The following DLGAP2 variants were observed in gnomAD, a reference collection of about 807,000 sequenced individuals.
The protein encoded by DLGAP2 is disks large-associated protein 2.
DLGAP2 carries 26 observed loss-of-function variants against 100.3 expected under a neutral mutation model. The ratio of observed to expected loss-of-function variants is 0.26; its 90% confidence interval spans 0.19 to 0.36. The LOEUF is 0.36. DLGAP2 is among the 10% of genes least tolerant of loss of function. The pLI is 1.00. For missense variants in DLGAP2, 1,858 were observed against 1,453.2 expected (o/e 1.28, Z -4.53); for synonymous variants, 886 against 630.1 (o/e 1.41, Z -6.08).
At chr8:1,632,112 G>C (rs926599860) in intron 7 of DLGAP2, among the ~76,000 whole-genome samples, 7 of 151,912 alleles carry the variant, frequency 4.6e-5, no homozygotes, top group Non-Finnish European at 8.8e-5. Context: ...ATGGAAGGGA[G>C]GGAGGATGGG....
At position 1,477,365 on chromosome 8, in the gene DLGAP2, C is replaced by A. The variant is rs141694065; in HGVS notation, c.107-24001C>A. Among the ~76,000 whole-genome samples, 863 of 152,312 alleles carry A rather than the reference C, an allele frequency of 5.7e-3. 5 individuals carry two copies. The highest frequency in any genetic ancestry group is 0.018 in the African/African-American group (759 of 41,576). On this transcript the variant is annotated intron_variant, in intron 3 of 14. Coordinates refer to ENST00000637795, the MANE Select transcript of DLGAP2 (RefSeq NM_001346810.2). ...GCCAGCTGGACAGGCTGCCTCCCCA[C>A]CCTCCGGCTCTGTCCTTTCCTTCTG...
At position 1,179,658 on chromosome 8, in the gene DLGAP2, C is replaced by T. The variant is rs192792175; in HGVS notation, c.74-79193C>T. Among the ~76,000 whole-genome samples the T allele has an allele frequency of 6.3e-4, 96 of 152,306 alleles. 1 individual carries two copies. Among genetic ancestry groups the T allele is most frequent in the Middle Eastern group, 3.4e-3 (1 of 294 alleles). On this transcript the variant is annotated intron_variant, in intron 2 of 14. Coordinates refer to ENST00000637795, the MANE Select transcript of DLGAP2 (RefSeq NM_001346810.2). ...CTGTTTTTCTATGTGTATTGCAATC[C>T]TAATTTGTGTTTTAAACATATATTA... is the stretch of plus-strand genomic sequence containing the variant.
At chr8:1,529,937 G>C (rs1455753850) in intron 4 of DLGAP2, among the ~76,000 whole-genome samples, 1 of 152,196 alleles carries the variant, frequency 6.6e-6, no homozygotes, top group African/African-American at 2.4e-5. Flanking sequence ...GTGCGAATAG[G>C]TGTGGGTCAC....
chr8:1,356,895 G>T (rs1801866002), intron 3 of DLGAP2, among the ~76,000 whole-genome samples: 1 of 152,202 alleles, frequency 6.6e-6, no homozygotes, highest in South Asian at 2.1e-4. Context: ...TTCAGGGTGT[G>T]CCCTTGTGTC....
chr8:748,463 G>A (rs572920204), intron 1 of DLGAP2, among the ~76,000 whole-genome samples: 9 of 152,252 alleles, frequency 5.9e-5, no homozygotes, highest in South Asian at 4.1e-4. Context: ...CCATGTGGGC[G>A]TTGGTGGGTC....
chr8:1,052,718 TG>T (rs1186542266), intron 2 of DLGAP2, among the ~76,000 whole-genome samples: 6 of 152,134 alleles, frequency 3.9e-5, no homozygotes, highest in Non-Finnish European at 8.8e-5. Flanking sequence ...ATAACTCATC[TG>T]GGTAATACAG....
rs544462908 is a variant in DLGAP2, at chr8:864,976, A to T, written c.19-42936A>T. On this transcript the variant is annotated intron_variant, in intron 1 of 14. Coordinates refer to ENST00000637795, the MANE Select transcript of DLGAP2 (RefSeq NM_001346810.2). ...AGGAAAACTGGGAAGTGGATTTAGG[A>T]ATCTCAGATATAAACTTGTTGAACA... is the stretch of plus-strand genomic sequence containing the variant. 3.9e-5 allele frequency among the ~76,000 whole-genome samples: 6 copies of T among 152,358 alleles called. No homozygotes were observed. In the South Asian group the frequency reaches 1.2e-3, roughly 32 times the overall value.
At chr8:1,341,671 T>A (rs1475704721) in intron 3 of DLGAP2, among the ~76,000 whole-genome samples, 1 of 152,180 alleles carries the variant, frequency 6.6e-6, no homozygotes, top group Non-Finnish European at 1.5e-5. Context: ...GAGGGGCTCC[T>A]AGGGAAACAG....
At chr8:857,854 C>T (rs958714845) in intron 1 of DLGAP2, among the ~76,000 whole-genome samples, 1 of 150,100 alleles carries the variant, frequency 6.7e-6, no homozygotes. Flanking sequence ...CTTCTGTTCA[C>T]ACAAAAACTT....
intron 1 of DLGAP2, among the ~76,000 whole-genome samples, chr8:899,015 A>C (rs1245484287): frequency 6.6e-6 from 1 of 152,208 alleles, no homozygotes; most frequent in Non-Finnish European, 1.5e-5. Flanking sequence ...CAAGCCCCCC[A>C]GGCGGTTCTG....
intron 3 of DLGAP2, among the ~76,000 whole-genome samples, chr8:1,273,989 C>T (rs1799633278): frequency 6.6e-6 from 1 of 152,126 alleles, no homozygotes; most frequent in Non-Finnish European, 1.5e-5. Flanking sequence ...CTGAGTCATT[C>T]AGTAACCATT....
At chr8:1,467,855 GC>G (rs1798668790) in intron 3 of DLGAP2, among the ~76,000 whole-genome samples, 1 of 151,560 alleles carries the variant, frequency 6.6e-6, no homozygotes, top group Non-Finnish European at 1.5e-5. Flanking sequence ...AGCTGACTTG[GC>G]TCTGAGATCC....
chr8:1,549,094 G>A lies in DLGAP2; in HGVS notation c.641G>A (p.Arg214Lys), dbSNP rs200052111. The part of the protein sequence containing the change: ...RDGFHTLQYQ[R>K]TSAAAEQRSE... ...GGCTTCCACACGCTGCAGTACCAGA[G>A]GACGTCCGCGGCCGCCGAGCAGCGC... The change falls in exon 5 of 15, where the codon AGG becomes AAG. Residue 214 changes from arginine to lysine, a missense_variant. Arg to Lys is a conservative substitution (Grantham distance 26, BLOSUM62 2). Coordinates refer to ENST00000637795, the MANE Select transcript of DLGAP2 (RefSeq NM_001346810.2). 2.4e-3 allele frequency: 3,726 copies of A among 1,583,196 alleles called. 14 individuals carry two copies. Among genetic ancestry groups the A allele is most frequent in the Middle Eastern group, 4.8e-3 (29 of 6,036 alleles).
At chr8:982,594 G>T (rs537228457) in intron 2 of DLGAP2, among the ~76,000 whole-genome samples, 1 of 152,328 alleles carries the variant, frequency 6.6e-6, no homozygotes, top group African/African-American at 2.4e-5. Flanking sequence ...AAGCGAAGGT[G>T]AAGAGGCTTA....
At chr8:1,438,975 C>T (rs180932826) in intron 3 of DLGAP2, among the ~76,000 whole-genome samples, 10 of 152,216 alleles carry the variant, frequency 6.6e-5, no homozygotes, top group South Asian at 2.1e-4. Flanking sequence ...AGATTGGCCA[C>T]TTTATAATAG....
At chr8:1,676,761 A>C in intron 11 of DLGAP2, 143 bp downstream of exon 11, 1 of 795,856 alleles carries the variant, frequency 1.3e-6, no homozygotes, top group Non-Finnish European at 2.0e-6. Context: ...TTTTCCATTG[A>C]TAACCCTCAA....
At chr8:1,505,236 A>G (rs765486374) in intron 4 of DLGAP2, among the ~76,000 whole-genome samples, 1 of 152,242 alleles carries the variant, frequency 6.6e-6, no homozygotes, top group Non-Finnish European at 1.5e-5. Context: ...ATTAAAATTA[A>G]AAACACTTCA....
chr8:1,438,276 A>G (rs1797710071), intron 3 of DLGAP2, among the ~76,000 whole-genome samples: 1 of 152,130 alleles, frequency 6.6e-6, no homozygotes, highest in Non-Finnish European at 1.5e-5. Context: ...TCCCCCAACC[A>G]TGTCATGGAT....
chr8:1,028,095 G>C (rs1262065631), intron 2 of DLGAP2, among the ~76,000 whole-genome samples: 30 of 131,854 alleles, frequency 2.3e-4, no homozygotes, highest in South Asian at 5.1e-4. Context: ...TTCTCCAGGT[G>C]GGGTGCCAGG....
Sources: gnomAD v4.1 joint callset for allele counts (sites outside exome capture counted in the v4.1 genomes callset) on GRCh38, gnomAD v4.1.1 for gene constraint, MANE v1.5 for transcripts, NCBI Gene and HGNC (gene_info 2026-07-23, HGNC 2026-07-21) for gene names.